GLI2: variants seen among roughly 807,000 people sequenced by gnomAD.
The protein encoded by GLI2 is transcription activator GLI2.
In GLI2, 22 loss-of-function variants were observed where a neutral mutation model predicts 78.9. The observed-to-expected ratio is 0.28, with a 90% CI of 0.20 to 0.40. GLI2 has a LOEUF of 0.40. GLI2 is among the 10% of genes least tolerant of loss of function. The pLI, the probability that GLI2 is intolerant of heterozygous loss-of-function variation, is 1.00. For missense variants in GLI2, 2,097 were observed against 2,213.2 expected, an observed-to-expected ratio of 0.95 and a Z score of 1.05; for synonymous variants, 974 against 963.7, an observed-to-expected ratio of 1.01 and a Z score of -0.20.
intron 5 of GLI2, among the ~76,000 whole-genome samples, chr2:120,965,907 C>T (rs1299132622): frequency 2.6e-5 from 4 of 152,218 alleles, no homozygotes; most frequent in Admixed American, 6.5e-5. Flanking sequence ...CCTGGCCCCT[C>T]TGTGGGGTCA....
At chr2:120,796,856 A>G (rs1487748275) in intron 1 of GLI2, among the ~76,000 whole-genome samples, 5 of 152,244 alleles carry the variant, frequency 3.3e-5, no homozygotes, top group African/African-American at 1.2e-4. Flanking sequence ...CATGCAGATG[A>G]ATAAGTGAAA....
rs920879244 is a variant in GLI2, at chr2:120,980,983, C to T, written c.1468-1733C>T. Among the ~76,000 whole-genome samples the T allele has an allele frequency of 2.0e-5, 3 of 152,040 alleles. No homozygotes were observed. The South Asian group carries it at 6.2e-4, about 32-fold the overall frequency. On this transcript the variant is annotated intron_variant, in intron 10 of 13. Coordinates refer to ENST00000361492, the MANE Select transcript of GLI2 (RefSeq NM_001374353.1). Reference sequence around the variant, plus strand: ...GCAACATCCGCATCCCAGGTTCAAGCGACTCTCCTGCCTCAGCCTCCGGAG... The same window carrying T: ...GCAACATCCGCATCCCAGGTTCAAGTGACTCTCCTGCCTCAGCCTCCGGAG...
intron 5 of GLI2, among the ~76,000 whole-genome samples, chr2:120,966,740 G>A (rs1681876134): frequency 6.6e-6 from 1 of 152,230 alleles, no homozygotes; most frequent in Non-Finnish European, 1.5e-5. Context: ...TTCAGTAGGT[G>A]GGTGCGGGCT....
chr2:120,821,652 T>G (rs1685782306), intron 2 of GLI2, among the ~76,000 whole-genome samples: 1 of 152,172 alleles, frequency 6.6e-6, no homozygotes. Flanking sequence ...CTCTCGTCTT[T>G]CTAATAAACA....
intron 2 of GLI2, among the ~76,000 whole-genome samples, chr2:120,917,596 G>A (rs949331368): frequency 6.6e-6 from 1 of 152,254 alleles, no homozygotes; most frequent in Non-Finnish European, 1.5e-5. Flanking sequence ...TTGAATTGTA[G>A]AGGAGACCCC....
chr2:120,797,719 GGGAGGGGAGAGAGGGA>G (rs1032255373), intron 2 of GLI2, among the ~76,000 whole-genome samples: 7 of 152,054 alleles, frequency 4.6e-5, no homozygotes, highest in Admixed American at 6.5e-5. Flanking sequence ...CCTGAGTACT[GGGAGGGGAGAGAGGGA>G]GGAGGGGAGA....
At chr2:120,896,188 G>A (rs1677933204) in intron 2 of GLI2, among the ~76,000 whole-genome samples, 1 of 152,196 alleles carries the variant, frequency 6.6e-6, no homozygotes, top group Non-Finnish European at 1.5e-5. Flanking sequence ...ATAGCATTAA[G>A]TGTGGCTCAG....
chr2:120,850,609 G>A (rs1378363010), intron 2 of GLI2, among the ~76,000 whole-genome samples: 1 of 152,224 alleles, frequency 6.6e-6, no homozygotes, highest in Non-Finnish European at 1.5e-5. Flanking sequence ...GAGGTCCCAG[G>A]AGGGAGACCC....
chr2:120,777,433 G>T lies in GLI2; in HGVS notation c.-30-19858G>T, dbSNP rs969217050. On this transcript the variant is annotated intron_variant, in intron 1 of 13. Coordinates refer to ENST00000361492, the MANE Select transcript of GLI2 (RefSeq NM_001374353.1). ...CCAGTCCCTGTTTCCAGTGCCGTTT[G>T]GGCTGCAGGCTTAGAGGGTGGGGGC... Among the ~76,000 whole-genome samples the T allele has an allele frequency of 3.9e-5, 6 of 152,072 alleles. No homozygotes were observed. The South Asian group carries it at 6.2e-4, about 16-fold the overall frequency.
At chr2:120,826,119 C>A (rs1023787126) in intron 2 of GLI2, among the ~76,000 whole-genome samples, 1 of 152,180 alleles carries the variant, frequency 6.6e-6, no homozygotes. Flanking sequence ...GGCTTCCAAC[C>A]CGGCTGGGTG....
At chr2:120,977,057 C>T (rs967179947) in intron 9 of GLI2, among the ~76,000 whole-genome samples, 1 of 152,316 alleles carries the variant, frequency 6.6e-6, no homozygotes. Flanking sequence ...ATTTCACATG[C>T]TCCAGCAGGG....
intron 1 of GLI2, among the ~76,000 whole-genome samples, chr2:120,780,212 C>T (rs548244018): frequency 3.5e-4 from 53 of 152,302 alleles, no homozygotes; most frequent in African/African-American, 1.1e-3. Flanking sequence ...ACACTCATAA[C>T]GCCCCCTTCA....
rs749578390 is a variant in GLI2, at chr2:120,989,055, G to A, written c.3090G>A (p.Ala1030=). ...MEAVAAGVDG[A]GPEADLGLPE... Reference sequence around the variant, plus strand: ...CCGTGGCGGCAGGAGTGGACGGCGCGGGGCCCGAGGCCGACCTGGGGCTGC... The same window carrying A: ...CCGTGGCGGCAGGAGTGGACGGCGCAGGGCCCGAGGCCGACCTGGGGCTGC... Residue 1030 remains alanine (A), a synonymous_variant, in exon 14 of 14, where the codon GCG becomes GCA. Transcript: ENST00000361492. 18 of 1,609,046 alleles carry A rather than the reference G, an allele frequency of 1.1e-5. No homozygotes were observed. Among genetic ancestry groups the A allele is most frequent in the South Asian group, 7.7e-5 (7 of 91,050 alleles).
chr2:120,758,711 C>G (rs1265125458), intron 1 of GLI2, among the ~76,000 whole-genome samples: 1 of 152,230 alleles, frequency 6.6e-6, no homozygotes, highest in Non-Finnish European at 1.5e-5. Context: ...GAGAGCTGCC[C>G]TTGGGCCTCC....
At chr2:120,864,550 C>T (rs567098427) in intron 2 of GLI2, among the ~76,000 whole-genome samples, 2 of 152,296 alleles carry the variant, frequency 1.3e-5, no homozygotes, top group Admixed American at 6.5e-5. Flanking sequence ...CGGCTCACTG[C>T]AAGCTCCGCC....
intron 1 of GLI2, among the ~76,000 whole-genome samples, chr2:120,741,643 C>T (rs951328227): frequency 3.9e-5 from 6 of 152,098 alleles, no homozygotes; most frequent in African/African-American, 1.4e-4. Context: ...TCTGGACCTT[C>T]CTCTCCCTCC....
chr2:120,909,287 T>C (rs565556908), intron 2 of GLI2, among the ~76,000 whole-genome samples: 25 of 152,010 alleles, frequency 1.6e-4, no homozygotes, highest in Admixed American at 7.2e-4. Flanking sequence ...CAGCCTCTTC[T>C]CAAATGTGGC....
intron 11 of GLI2, among the ~76,000 whole-genome samples, chr2:120,984,067 C>G (rs1474213011): frequency 2.6e-5 from 4 of 151,728 alleles, no homozygotes; most frequent in Admixed American, 2.6e-4. Flanking sequence ...CCTTTGCCTC[C>G]CTGATCCTGC....
At chr2:120,804,411 G>T (rs1424610431) in intron 2 of GLI2, among the ~76,000 whole-genome samples, 1 of 152,224 alleles carries the variant, frequency 6.6e-6, no homozygotes, top group Non-Finnish European at 1.5e-5. Context: ...TCATGCCAGA[G>T]GTGTTCCCGG....
Sources: gnomAD v4.1 joint callset for allele counts (sites outside exome capture counted in the v4.1 genomes callset) on GRCh38, gnomAD v4.1.1 for gene constraint, MANE v1.5 for transcripts, NCBI Gene and HGNC (gene_info 2026-07-23, HGNC 2026-07-21) for gene names.